Variants in RFXANK observed in about 807,000 individuals in gnomAD.
The protein encoded by RFXANK is regulatory factor X associated ankyrin containing protein, also known as DNA-binding protein RFXANK.
RFXANK carries 19 observed loss-of-function variants against 34.5 expected under a neutral mutation model. The ratio of observed to expected loss-of-function variants is 0.55; its 90% CI spans 0.38 to 0.81. RFXANK has a LOEUF of 0.81. Ranked by LOEUF, RFXANK falls within the 30% of genes least tolerant of loss-of-function variation. The pLI, the probability that RFXANK is intolerant of heterozygous loss-of-function variation, is 0.00. For synonymous variants in RFXANK, 154 were observed against 149.8 expected, an observed-to-expected ratio of 1.03 and a Z score of -0.20; for missense variants, 295 against 343.5, an observed-to-expected ratio of 0.86 and a Z score of 1.12.
chr19:19,201,759 T>C lies in RFXANK; in HGVS notation c.*40T>C, dbSNP rs376935004. The C allele has an allele frequency of 3.7e-6, 6 of 1,613,478 alleles. No individual in the cohort carries two copies. Among genetic ancestry groups the C allele is most frequent in the Admixed American group, 1.7e-5 (1 of 59,994 alleles). ...GGACTCAGACACTCAGGGAACAAAA[T>C]GGTCAGCCAGAGCTGGGGAAACCCA... On this transcript the variant is annotated 3_prime_UTR_variant, in exon 10 of 10. Transcript: ENST00000303088.
At chr19:19,197,681 G>T in intron 6 of RFXANK, 60 bp downstream of exon 6, 1 of 1,481,522 alleles carries the variant, frequency 6.7e-7, no homozygotes, top group South Asian at 1.1e-5. Flanking sequence ...GTGGGCTGGG[G>T]TTTTGGCTGT....
rs770144513 is a variant in RFXANK at position 19,197,199 on chromosome 19, C to T, written c.285C>T (p.His95=). 1.9e-6 allele frequency: 3 copies of T among 1,613,932 alleles called. No homozygotes were observed. The highest frequency in any genetic ancestry group is 2.5e-6 in the Non-Finnish European group (3 of 1,180,048). ...GTCCTGCCCCAGCCCTGTCCATCCA[C>T]CAGCTCGCAGCACAGGGGGAGCTGG... ...LPATLDSLSI[H]QLAAQGELDQ... is the part of the protein sequence containing the mutation. Residue 95 remains histidine (H), a synonymous_variant, in exon 5 of 10, where the codon CAC becomes CAT. Coordinates refer to ENST00000303088, the MANE Select transcript of RFXANK (RefSeq NM_003721.4).
intron 2 of RFXANK, among the ~76,000 whole-genome samples, 177 bp downstream of exon 2, chr19:19,193,277 G>C (rs563908272): frequency 4.3e-4 from 65 of 152,180 alleles, no homozygotes; most frequent in African/African-American, 1.4e-3. Context: ...TTCGTTGTAG[G>C]TCTCATTTCC....
In RFXANK at chr19:19,197,573, GGCCTCC is replaced by G; in HGVS notation, c.395_400del (p.Ser132_Ala133del). 6.2e-7 allele frequency: 1 copy of G among 1,613,874 alleles called. No homozygotes were observed. Among genetic ancestry groups the G allele is most frequent in the Admixed American group, 1.7e-5 (1 of 60,016 alleles). ...AGCGCGGCTTCACCCCCCTCATCTG[GGCCTCC>G]GCCTTTGGAGAGATTGAGACCGTTC... On this transcript the variant is annotated inframe_deletion, in exon 6 of 10. Transcript: ENST00000303088.
chr19:19,197,503 C>G lies in RFXANK; in HGVS notation c.338-18C>G. ...GCAGGGGTGCAGCCTGGTGGTATTG[C>G]CCGCCTCCTCCTGCCAGGTGACAAC... On this transcript the variant is annotated intron_variant, in intron 5 of 9. Transcript: ENST00000303088. 6.2e-7 allele frequency: 1 copy of G among 1,611,678 alleles called. No homozygotes were observed. The highest frequency in any genetic ancestry group is 8.5e-7 in the Non-Finnish European group (1 of 1,178,902).
intron 6 of RFXANK, 124 bp downstream of exon 6, chr19:19,197,745 A>G (rs2060627311): frequency 2.3e-6 from 2 of 887,510 alleles, no homozygotes; most frequent in Non-Finnish European, 3.6e-6. Flanking sequence ...GCAGTGGCTC[A>G]TGCCTGTAAT....
In RFXANK at chr19:19,193,072, G is replaced by A. The variant is rs967205832; in HGVS notation, c.-37G>A. 6.6e-6 allele frequency: 1 copy of A among 152,280 alleles called. No individual in the cohort carries two copies. Among genetic ancestry groups the A allele is most frequent in the African/African-American group, 2.4e-5 (1 of 41,438 alleles). The allele number at this position is 152,280 out of a possible 1,614,324, so 9.4% of individuals were successfully genotyped here. On this transcript the variant is annotated 5_prime_UTR_variant, in exon 2 of 10. Transcript: ENST00000303088. ...GTTTTGAGAGAACTGGGCTTTCGGC[G>A]CGGGGGGACAGAGGAGGCTCGTGGG...
chr19:19,201,801 C>T lies in RFXANK; in HGVS notation c.*82C>T. On this transcript the variant is annotated 3_prime_UTR_variant, in exon 10 of 10. Transcript: ENST00000303088. ...GGAAACCCAGAACTGACTTCAAAGG[C>T]AGCTTCTGGACAGGTGGTGGGAGGG... The T allele has an allele frequency of 1.2e-6, 2 of 1,612,988 alleles. No homozygotes were observed. The highest frequency in any genetic ancestry group is 2.2e-5 in the South Asian group (2 of 90,996).
chr19:19,201,627 C>T (rs1351066899), intron 9 of RFXANK, 22 bp from the exon 10 acceptor site: 1 of 1,614,036 alleles, frequency 6.2e-7, no homozygotes, highest in Non-Finnish European at 8.5e-7. Context: ...TCACAGCCCA[C>T]CTTTTCCCTG....
At position 19,198,142 on chromosome 19, in the gene RFXANK, G is replaced by C; in HGVS notation, c.474G>C (p.Glu158Asp). ...CCCACATCCTGGCAAAAGAGCGAGA[G>C]AGCGCCCTGTCGCTGGCCAGCACAG... is the stretch of plus-strand genomic sequence containing the variant. Reference protein sequence around the residue: ...ADPHILAKERESALSLASTGG... With the variant: ...ADPHILAKERDSALSLASTGG... Residue 158 changes from glutamate (E) to aspartate (D), a missense_variant, in exon 7 of 10, where the codon GAG (glutamate) becomes GAC (aspartate). Coordinates refer to ENST00000303088, the MANE Select transcript of RFXANK (RefSeq NM_003721.4). The C allele has an allele frequency of 6.2e-7, 1 of 1,614,156 alleles. No homozygotes were observed. Among genetic ancestry groups the C allele is most frequent in the Non-Finnish European group, 8.5e-7 (1 of 1,180,032 alleles).
chr19:19,193,888 T>G lies in RFXANK; in HGVS notation c.-8-51T>G, dbSNP rs1599773625. 1.9e-6 allele frequency: 3 copies of G among 1,599,664 alleles called. No individual in the cohort carries two copies. In the East Asian group the frequency reaches 6.7e-5, roughly 36 times the overall value. ...GGTATGCAGTCGGTGCCTACTTTAT[T>G]ATAACTGTTGATAATTATTGTCATC... On this transcript the variant is annotated intron_variant, in intron 2 of 9. Coordinates refer to ENST00000303088, the MANE Select transcript of RFXANK (RefSeq NM_003721.4).
intron 9 of RFXANK, 56 bp downstream of exon 9, chr19:19,199,290 A>C: frequency 2.0e-6 from 3 of 1,531,196 alleles, no homozygotes; most frequent in East Asian, 4.5e-5. Context: ...CAGGGTGACC[A>C]TAAAGGGGTA....
intron 3 of RFXANK, among the ~76,000 whole-genome samples, chr19:19,195,360 G>T (rs1254695025): frequency 6.7e-6 from 1 of 149,212 alleles, no homozygotes; most frequent in East Asian, 2.0e-4. Flanking sequence ...TGTTGTCCAG[G>T]GTGGAGTGCA....
At chr19:19,198,264 G>A in intron 7 of RFXANK, 32 bp downstream of exon 7, 1 of 1,613,596 alleles carries the variant, frequency 6.2e-7, no homozygotes, top group South Asian at 1.1e-5. Context: ...GGACCTCTCA[G>A]CCTCCTGGCC....
chr19:19,197,380 C>T lies in RFXANK; in HGVS notation c.337+129C>T, dbSNP rs542334826. On this transcript the variant is annotated intron_variant, in intron 5 of 9. Coordinates refer to ENST00000303088, the MANE Select transcript of RFXANK (RefSeq NM_003721.4). The stretch of plus-strand genomic sequence containing the variant: ...GATTGTATCTAACTGTGTGTGTGAC[C>T]GTGTTCATGTATGTCCATCAACATA... 3.9e-4 allele frequency: 475 copies of T among 1,220,090 alleles called. 4 individuals carry two copies. In the South Asian group the frequency reaches 5.5e-3, roughly 14 times the overall value. 75.6% of individuals were successfully genotyped at this position (1,220,090 alleles called of 1,614,324 possible). A position where few individuals can be genotyped will look rare whatever the true frequency, so the allele number is the denominator to read the frequency against.
chr19:19,196,945 C>A lies in RFXANK; in HGVS notation c.188-18C>A, dbSNP rs772379824. On this transcript the variant is annotated intron_variant, in intron 3 of 9. Transcript: ENST00000303088. ...ACATCTACTGAGGGGAAACTGACGC[C>A]TGTTGTCTGTTTCCCAGCAGGCAGC... The A allele has an allele frequency of 1.2e-6, 2 of 1,608,258 alleles. No individual in the cohort carries two copies. Among genetic ancestry groups the A allele is most frequent in the Non-Finnish European group, 1.7e-6 (2 of 1,178,742 alleles).
At chr19:19,198,952 T>A in intron 8 of RFXANK, 2 of 751,264 alleles carry the variant, frequency 2.7e-6, no homozygotes. Flanking sequence ...CCATCCTCCA[T>A]GGTTCAGAGA....
chr19:19,197,973 C>G, intron 6 of RFXANK, 134 bp from the exon 7 acceptor site: 1 of 1,241,368 alleles, frequency 8.1e-7, no homozygotes, highest in East Asian at 2.3e-5. Context: ...GATTGCGCCA[C>G]TGCACTCCAG....
In RFXANK at chr19:19,198,112, C is replaced by T. The variant is rs772802002; in HGVS notation, c.444C>T (p.Ala148=). ...ETVRFLLEWG[A]DPHILAKERE... is the part of the protein sequence containing the mutation. The stretch of plus-strand genomic sequence containing the variant: ...GTCCCTTCTTCTCCCTGCAGGGTGC[C>T]GACCCCCACATCCTGGCAAAAGAGC... Residue 148 remains alanine, a synonymous_variant, in exon 7 of 10, where the codon GCC becomes GCT. Coordinates refer to ENST00000303088, the MANE Select transcript of RFXANK (RefSeq NM_003721.4). 2.4e-5 allele frequency: 39 copies of T among 1,613,908 alleles called. No individual in the cohort carries two copies. The highest frequency in any genetic ancestry group is 7.7e-5 in the South Asian group (7 of 91,078).
Sources: allele counts gnomAD v4.1 joint callset (sites outside exome capture counted in the v4.1 genomes callset), GRCh38; gene constraint gnomAD v4.1.1; transcripts MANE v1.5; gene names NCBI Gene and HGNC (gene_info 2026-07-23, HGNC 2026-07-21).